DLG2: variants seen among roughly 807,000 people sequenced by gnomAD.
The protein encoded by DLG2 is disks large homolog 2.
A neutral mutation model predicts 132.5 loss-of-function variants in DLG2; 45 were observed. That is an observed-to-expected ratio of 0.34 (90% CI 0.27 to 0.44). The LOEUF is 0.44. DLG2 is among the 20% of genes least tolerant of loss of function. The pLI is 1.00. For missense variants in DLG2, 1,045 were observed against 1,196.9 expected (o/e 0.87, Z 1.87); for synonymous variants, 424 against 419.6 (o/e 1.01, Z -0.13).
chr11:84,250,331 G>C (rs2097355363), intron 8 of DLG2, among the ~76,000 whole-genome samples: 1 of 152,152 alleles, frequency 6.6e-6, no homozygotes, highest in Non-Finnish European at 1.5e-5. Context: ...GGGATTTGAG[G>C]CTGTGGGCTA....
chr11:85,081,359 T>A (rs2067205860), intron 6 of DLG2, among the ~76,000 whole-genome samples: 2 of 152,154 alleles, frequency 1.3e-5, no homozygotes, highest in Non-Finnish European at 2.9e-5. Context: ...TTAGGATATA[T>A]GTTGGGCCTC....
chr11:84,318,742 G>T (rs1416454125), intron 7 of DLG2, among the ~76,000 whole-genome samples: 1 of 152,146 alleles, frequency 6.6e-6, no homozygotes, highest in East Asian at 1.9e-4. Context: ...ATCACAGAAG[G>T]TATTCAAAAC....
intron 4 of DLG2, among the ~76,000 whole-genome samples, chr11:85,156,485 G>T (rs2077595798): frequency 6.6e-6 from 1 of 152,080 alleles, no homozygotes; most frequent in South Asian, 2.1e-4. Flanking sequence ...AACCACTTTG[G>T]GATACCCAGG....
chr11:84,110,175 A>C, intron 9 of DLG2, among the ~76,000 whole-genome samples: 1 of 152,192 alleles, frequency 6.6e-6, no homozygotes, highest in East Asian at 1.9e-4. Flanking sequence ...GGAGAGGTAA[A>C]ACAACAGAGC....
At chr11:83,587,171 A>G (rs2097099861) in intron 19 of DLG2, among the ~76,000 whole-genome samples, 1 of 152,098 alleles carries the variant, frequency 6.6e-6, no homozygotes, top group Non-Finnish European at 1.5e-5. Context: ...AGAAAACAAC[A>G]CATCTGCTGC....
intron 15 of DLG2, among the ~76,000 whole-genome samples, chr11:83,924,272 A>G (rs752817853): frequency 6.6e-6 from 1 of 152,166 alleles, no homozygotes; most frequent in African/African-American, 2.4e-5. Flanking sequence ...CAGTTAAAAC[A>G]TTAAAGGCCC....
At chr11:85,092,638 C>T (rs991451353) in intron 6 of DLG2, among the ~76,000 whole-genome samples, 7 of 148,730 alleles carry the variant, frequency 4.7e-5, no homozygotes, top group South Asian at 2.1e-4. Context: ...ATTGAGTACA[C>T]GTGACTTTTT....
At chr11:84,920,713 A>ATGTGTG (rs34997443) in intron 6 of DLG2, among the ~76,000 whole-genome samples, 2 of 151,050 alleles carry the variant, frequency 1.3e-5, no homozygotes, top group South Asian at 2.1e-4. Context: ...GTTTGTAAAT[A>ATGTGTG]TGTGTGTGTG....
intron 6 of DLG2, among the ~76,000 whole-genome samples, chr11:84,723,679 G>A (rs2062081636): frequency 6.6e-6 from 1 of 152,058 alleles, no homozygotes; most frequent in South Asian, 2.1e-4. Flanking sequence ...TAATTTGAGA[G>A]TGTACTGCAT....
chr11:84,435,446 G>A (rs2098997601), intron 7 of DLG2, among the ~76,000 whole-genome samples: 1 of 152,036 alleles, frequency 6.6e-6, no homozygotes, highest in Non-Finnish European at 1.5e-5. Context: ...ATACCAAGAT[G>A]TTATTTCATG....
intron 6 of DLG2, among the ~76,000 whole-genome samples, chr11:84,846,591 T>C (rs1190775610): frequency 6.6e-6 from 1 of 152,152 alleles, no homozygotes; most frequent in Admixed American, 6.6e-5. Flanking sequence ...ATCACAGTAA[T>C]GTTTAGGAAA....
chr11:85,140,211 T>G (rs2076376641), intron 5 of DLG2, among the ~76,000 whole-genome samples: 1 of 151,990 alleles, frequency 6.6e-6, no homozygotes, highest in Admixed American at 6.6e-5. Flanking sequence ...CAGTGTTGTA[T>G]CTTCAGTTTC....
intron 6 of DLG2, among the ~76,000 whole-genome samples, chr11:85,102,000 G>A (rs2070928116): frequency 6.6e-6 from 1 of 151,982 alleles, no homozygotes; most frequent in Admixed American, 6.6e-5. Context: ...ACCTTCAAAT[G>A]TGCTTTTGTG....
chr11:84,981,048 G>A (rs538692350), intron 6 of DLG2, among the ~76,000 whole-genome samples: 5 of 152,132 alleles, frequency 3.3e-5, no homozygotes, highest in African/African-American at 1.2e-4. Flanking sequence ...AGCTTTTAAA[G>A]AGCATAGCCT....
intron 3 of DLG2, among the ~76,000 whole-genome samples, chr11:85,506,393 C>T (rs1024672708): frequency 6.6e-6 from 1 of 152,128 alleles, no homozygotes; most frequent in African/African-American, 2.4e-5. Flanking sequence ...TTAAATGTGT[C>T]CCAGATATTC....
chr11:84,951,724 A>T lies in DLG2; in HGVS notation c.357+159937T>A, dbSNP rs968510464. 8.6e-5 allele frequency among the ~76,000 whole-genome samples: 13 copies of T among 151,068 alleles called. No individual in the cohort carries two copies. The East Asian group carries it at 2.5e-3, about 29-fold the overall frequency. On this transcript the variant is annotated intron_variant, in intron 6 of 27. Coordinates refer to ENST00000376104, the MANE Select transcript of DLG2 (RefSeq NM_001142699.3). ...ATATACACACACGTATATATATAAT[A>T]TTTATAGTGTTTTGTGATTATTTTA...
chr11:84,772,785 G>A (rs1046701924), intron 6 of DLG2, among the ~76,000 whole-genome samples: 2 of 152,228 alleles, frequency 1.3e-5, no homozygotes, highest in Admixed American at 6.5e-5. Context: ...TCTCTGGGAT[G>A]CTGCAAAAGC....
At chr11:84,078,861 G>A (rs532434661) in intron 10 of DLG2, among the ~76,000 whole-genome samples, 16 of 152,060 alleles carry the variant, frequency 1.1e-4, no homozygotes, top group African/African-American at 3.4e-4. Flanking sequence ...CCATATCCAC[G>A]TTCAACTGCC....
At chr11:84,604,765 A>G (rs964777363) in intron 6 of DLG2, among the ~76,000 whole-genome samples, 2 of 152,014 alleles carry the variant, frequency 1.3e-5, no homozygotes, top group Non-Finnish European at 2.9e-5. Flanking sequence ...CTTTGTAGTC[A>G]TGATGGTTTA....
Sources: gnomAD v4.1 joint callset for allele counts (sites outside exome capture counted in the v4.1 genomes callset) on GRCh38, gnomAD v4.1.1 for gene constraint, MANE v1.5 for transcripts, NCBI Gene and HGNC (gene_info 2026-07-23, HGNC 2026-07-21) for gene names.